The following TMEM132D variants were observed in gnomAD, a reference collection of about 807,000 sequenced individuals.
TMEM132D encodes transmembrane protein 132D, also known as mature OL transmembrane protein.
In TMEM132D, 21 loss-of-function variants were observed where a neutral mutation model predicts 62.3. The ratio of observed to expected loss-of-function variants is 0.34; its 90% CI spans 0.24 to 0.49. TMEM132D has a LOEUF of 0.49. TMEM132D is among the 20% of genes least tolerant of loss of function. TMEM132D has a pLI of 0.99. For missense variants in TMEM132D, 1,346 were observed against 1,402.8 expected (o/e 0.96, Z 0.65); for synonymous variants, 621 against 575.6 (o/e 1.08, Z -1.13).
At position 129,700,013 on chromosome 12, in the gene TMEM132D, A is replaced by T. The variant is rs1881340591; in HGVS notation, c.765T>A (p.Ser255Arg). The T allele has an allele frequency of 6.2e-7, 1 of 1,613,914 alleles. No individual in the cohort carries two copies. The highest frequency in any genetic ancestry group is 8.5e-7 in the Non-Finnish European group (1 of 1,180,018). ...RRSNGIRTGH[S>R]DIDESGPPLQ... Reference sequence around the variant, plus strand: ...AGGGGGGCCCGGACTCATCGATGTCACTGTGGCCTGTCCGGATCCCATTGC... The same window carrying T: ...AGGGGGGCCCGGACTCATCGATGTCTCTGTGGCCTGTCCGGATCCCATTGC... Residue 255 changes from serine (S) to arginine (R), a missense_variant, in exon 2 of 9, where the codon AGT (serine) becomes AGA (arginine). Ser to Arg is a moderately radical substitution (Grantham distance 110). Coordinates refer to ENST00000422113, the MANE Select transcript of TMEM132D (RefSeq NM_133448.3).
intron 2 of TMEM132D, among the ~76,000 whole-genome samples, chr12:129,615,446 T>A (rs265641): frequency 0.97 from 143,830 of 148,356 alleles, 69,768 homozygotes; most frequent in South Asian, 1. Context: ...TTAAATTATA[T>A]AAAAAAAAAA....
intron 1 of TMEM132D, among the ~76,000 whole-genome samples, chr12:129,746,751 G>A (rs1869792759): frequency 6.6e-6 from 1 of 152,014 alleles, no homozygotes; most frequent in African/African-American, 2.4e-5. Flanking sequence ...TCACGGAAGA[G>A]ACACTCCTAA....
intron 1 of TMEM132D, among the ~76,000 whole-genome samples, chr12:129,792,261 C>A (rs1871421019): frequency 6.6e-6 from 1 of 152,134 alleles, no homozygotes; most frequent in African/African-American, 2.4e-5. Flanking sequence ...TAAAAGCCCC[C>A]ACTCTGGAGT....
intron 3 of TMEM132D, among the ~76,000 whole-genome samples, chr12:129,497,542 A>G (rs997365174): frequency 6.6e-6 from 1 of 152,058 alleles, no homozygotes; most frequent in Non-Finnish European, 1.5e-5. Context: ...TAACCTCTCT[A>G]ATTATTCTCT....
At chr12:129,231,475 G>A (rs1221886322) in intron 4 of TMEM132D, among the ~76,000 whole-genome samples, 1 of 152,206 alleles carries the variant, frequency 6.6e-6, no homozygotes, top group East Asian at 1.9e-4. Flanking sequence ...TATGTTTACA[G>A]CAGTCAAACG....
rs1402481358 is a variant in TMEM132D at position 129,779,130 on chromosome 12, A to T, written c.80-78432T>A. ...CGAGGCGACTGCAACAGCTCCAGGC[A>T]TCACATTCCAAATCCACCCAGCAGG... On this transcript the variant is annotated intron_variant, in intron 1 of 8. Coordinates refer to ENST00000422113, the MANE Select transcript of TMEM132D (RefSeq NM_133448.3). This position sits in a 1 kb window ranked among gnomAD's most constrained non-coding sequence, Gnocchi z 4.1. 6.6e-6 allele frequency among the ~76,000 whole-genome samples: 1 copy of T among 152,208 alleles called. No homozygotes were observed. The highest frequency in any genetic ancestry group is 1.5e-5 in the Non-Finnish European group (1 of 68,038).
At chr12:129,191,705 G>A (rs2135556741) in intron 5 of TMEM132D, among the ~76,000 whole-genome samples, 1 of 151,396 alleles carries the variant, frequency 6.6e-6, no homozygotes, top group South Asian at 2.1e-4. Context: ...CTTCTCTAAA[G>A]AGGAAGCTAT....
intron 3 of TMEM132D, among the ~76,000 whole-genome samples, chr12:129,373,605 C>A (rs1408825959): frequency 6.6e-6 from 1 of 152,050 alleles, no homozygotes; most frequent in Non-Finnish European, 1.5e-5. Context: ...GCACTCCAGC[C>A]TGGGCAACAG....
intron 4 of TMEM132D, among the ~76,000 whole-genome samples, chr12:129,324,022 G>T (rs1329311454): frequency 6.6e-6 from 1 of 151,924 alleles, no homozygotes; most frequent in Non-Finnish European, 1.5e-5. Flanking sequence ...TTTTTTGGCT[G>T]AGGATTTTCT....
chr12:129,494,773 A>G (rs564313539), intron 3 of TMEM132D, among the ~76,000 whole-genome samples: 2 of 152,220 alleles, frequency 1.3e-5, no homozygotes, highest in African/African-American at 4.8e-5. Flanking sequence ...CTGGCCTCTG[A>G]GTCCCCATGT....
chr12:129,332,841 T>C (rs1367838575), intron 4 of TMEM132D, among the ~76,000 whole-genome samples: 3 of 152,076 alleles, frequency 2.0e-5, no homozygotes, highest in Non-Finnish European at 4.4e-5. Flanking sequence ...AATAGAAATG[T>C]GGTTACCGGT....
chr12:129,086,199 C>CACGTGT (rs1555228440), intron 5 of TMEM132D, among the ~76,000 whole-genome samples: 128 of 116,180 alleles, frequency 1.1e-3, no homozygotes, highest in South Asian at 3.1e-3. Context: ...GTCACGCGCG[C>CACGTGT]GCGTGTGTGT....
chr12:129,545,433 T>C (rs1876706149), intron 2 of TMEM132D, among the ~76,000 whole-genome samples: 1 of 152,160 alleles, frequency 6.6e-6, no homozygotes, highest in African/African-American at 2.4e-5. Flanking sequence ...TTTTCTTTTA[T>C]TATATTTTTA....
intron 2 of TMEM132D, among the ~76,000 whole-genome samples, chr12:129,582,071 T>C (rs898896577): frequency 2.0e-5 from 3 of 151,864 alleles, no homozygotes; most frequent in African/African-American, 7.3e-5. Context: ...CCAAAGAGAG[T>C]TGAGGTTTTC....
chr12:129,224,476 C>T (rs539767222), intron 4 of TMEM132D, among the ~76,000 whole-genome samples: 1 of 152,306 alleles, frequency 6.6e-6, no homozygotes, highest in Admixed American at 6.5e-5. Flanking sequence ...ATGTCACCAG[C>T]AAGTACGGAC....
chr12:129,173,022 C>G (rs1877782006), intron 5 of TMEM132D, among the ~76,000 whole-genome samples: 1 of 151,806 alleles, frequency 6.6e-6, no homozygotes, highest in Non-Finnish European at 1.5e-5. Context: ...TTTGTGGGGC[C>G]CTAAAGCAAT....
chr12:129,428,861 C>G (rs945066176), intron 3 of TMEM132D, among the ~76,000 whole-genome samples: 2 of 152,158 alleles, frequency 1.3e-5, no homozygotes, highest in African/African-American at 4.8e-5. Flanking sequence ...TTGGAAGGCT[C>G]CCAGAATTTG....
chr12:129,616,118 A>G (rs1001543493), intron 2 of TMEM132D, among the ~76,000 whole-genome samples: 8 of 152,230 alleles, frequency 5.3e-5, no homozygotes, highest in African/African-American at 1.9e-4. Context: ...TTGGTGGGTA[A>G]ATACAGAAGA....
At chr12:129,599,531 C>T (rs1040441551) in intron 2 of TMEM132D, among the ~76,000 whole-genome samples, 1 of 152,298 alleles carries the variant, frequency 6.6e-6, no homozygotes, top group Admixed American at 6.5e-5. Context: ...ACATTTTAAA[C>T]ATAACCCTAC....
Sources: gnomAD v4.1 joint callset for allele counts (sites outside exome capture counted in the v4.1 genomes callset) on GRCh38, gnomAD v4.1.1 for gene constraint, Gnocchi (gnomAD v3.1) non-coding constraint, MANE v1.5 for transcripts, NCBI Gene and HGNC (gene_info 2026-07-23, HGNC 2026-07-21) for gene names.